The following FAM135B variants were observed in gnomAD, a reference collection of about 807,000 sequenced individuals.
The protein encoded by FAM135B is protein FAM135B.
FAM135B carries 43 observed loss-of-function variants against 127.7 expected under a neutral mutation model. The ratio of observed to expected loss-of-function variants is 0.34; its 90% CI spans 0.26 to 0.43. The LOEUF is 0.43. FAM135B is among the 20% of genes least tolerant of loss of function. The pLI, the probability that FAM135B is intolerant of heterozygous loss-of-function variation, is 1.00. For missense variants in FAM135B, 1,558 were observed against 1,725.6 expected (o/e 0.90, Z 1.72); for synonymous variants, 670 against 665.1 (o/e 1.01, Z -0.11).
intron 3 of FAM135B, among the ~76,000 whole-genome samples, chr8:138,289,038 G>A (rs1824904893): frequency 6.6e-6 from 1 of 152,170 alleles, no homozygotes; most frequent in Non-Finnish European, 1.5e-5. Flanking sequence ...TTGCTTTTCT[G>A]CTTTCTCCAC....
intron 1 of FAM135B, among the ~76,000 whole-genome samples, chr8:138,468,891 A>G (rs2131640725): frequency 6.6e-6 from 1 of 152,272 alleles, no homozygotes; most frequent in Admixed American, 6.5e-5. Context: ...CTAGAAATAT[A>G]AAAATTAGCC....
At chr8:138,149,628 G>A (rs1018966236) in intron 13 of FAM135B, among the ~76,000 whole-genome samples, 1 of 151,966 alleles carries the variant, frequency 6.6e-6, no homozygotes, top group Non-Finnish European at 1.5e-5. Flanking sequence ...ACTATTTCTT[G>A]TTATTATCTG....
chr8:138,473,876 T>G (rs1814229102), intron 1 of FAM135B, among the ~76,000 whole-genome samples: 1 of 152,140 alleles, frequency 6.6e-6, no homozygotes, highest in Non-Finnish European at 1.5e-5. Context: ...AATTTTATTG[T>G]TTTAATTCAG....
chr8:138,347,903 T>C (rs1233244332), intron 2 of FAM135B, among the ~76,000 whole-genome samples: 1 of 152,074 alleles, frequency 6.6e-6, no homozygotes, highest in Non-Finnish European at 1.5e-5. Flanking sequence ...ATAGTCCTGA[T>C]TTCATGAGGT....
chr8:138,211,864 TG>T (rs1241780987), intron 7 of FAM135B, among the ~76,000 whole-genome samples: 4 of 152,108 alleles, frequency 2.6e-5, no homozygotes, highest in Non-Finnish European at 2.9e-5. Context: ...GGTCAGGAGT[TG>T]AAGACCAGCC....
chr8:138,483,105 G>A (rs1814852049), intron 1 of FAM135B, among the ~76,000 whole-genome samples: 1 of 151,978 alleles, frequency 6.6e-6, no homozygotes, highest in Non-Finnish European at 1.5e-5. Flanking sequence ...AAATCTCACT[G>A]TCTCTAAGAA....
rs781516308 is a variant in FAM135B at position 138,242,979 on chromosome 8, A to G, written c.632T>C (p.Val211Ala). 4 of 1,613,916 alleles carry G rather than the reference A, an allele frequency of 2.5e-6. No homozygotes were observed. The highest frequency in any genetic ancestry group is 1.1e-5 in the South Asian group (1 of 91,010). ...CGGCTTGCAGTACCCAGCTCCAAAG[A>G]CCAAGTTTTCCAGAGAAATGATAGA... is the stretch of plus-strand genomic sequence containing the variant. Reference protein sequence around the residue: ...EQSIISLENLVFGAGYCKPTS... With the variant: ...EQSIISLENLAFGAGYCKPTS... The change falls in exon 7 of 20, where the codon GTC becomes GCC. Residue 211 changes from valine (V) to alanine (A), a missense_variant. This residue lies in a region of FAM135B where 127 missense variants were observed against 109.7 expected (regional missense o/e 1.16). Transcript: ENST00000395297. This position sits in a 1 kb window ranked among gnomAD's most constrained non-coding sequence, Gnocchi z 9.6.
intron 1 of FAM135B, among the ~76,000 whole-genome samples, chr8:138,426,532 T>C (rs1297353992): frequency 6.6e-6 from 1 of 150,988 alleles, no homozygotes; most frequent in Non-Finnish European, 1.5e-5. Flanking sequence ...TGTATACATA[T>C]ATATAATGTG....
chr8:138,143,606 G>A (rs1211328681), intron 15 of FAM135B, among the ~76,000 whole-genome samples: 2 of 152,212 alleles, frequency 1.3e-5, no homozygotes, highest in Non-Finnish European at 2.9e-5. Context: ...ATGGTTGAAG[G>A]ATCCAGGAGA....
intron 1 of FAM135B, among the ~76,000 whole-genome samples, chr8:138,428,677 AC>A (rs1478771772): frequency 6.6e-6 from 1 of 152,064 alleles, no homozygotes; most frequent in Non-Finnish European, 1.5e-5. Flanking sequence ...TCCCTCCACC[AC>A]AAAAGCTACC....
chr8:138,278,843 AG>A (rs1260755425), intron 3 of FAM135B, among the ~76,000 whole-genome samples: 2 of 152,202 alleles, frequency 1.3e-5, no homozygotes, highest in Admixed American at 6.5e-5. Flanking sequence ...ATCTAATCAC[AG>A]GGTTGTTGTG....
At chr8:138,134,966 G>A (rs1219528369) in intron 19 of FAM135B, among the ~76,000 whole-genome samples, 2 of 152,060 alleles carry the variant, frequency 1.3e-5, no homozygotes, top group South Asian at 2.1e-4. Context: ...AATTGTGCCC[G>A]GCCCATAATA....
At chr8:138,475,701 T>C (rs1322586855) in intron 1 of FAM135B, among the ~76,000 whole-genome samples, 2 of 152,236 alleles carry the variant, frequency 1.3e-5, no homozygotes, top group East Asian at 3.8e-4. Context: ...AGGTATTTTC[T>C]TACCTTGAAA....
At chr8:138,201,173 G>C (rs564656642) in intron 7 of FAM135B, among the ~76,000 whole-genome samples, 1 of 152,128 alleles carries the variant, frequency 6.6e-6, no homozygotes, top group African/African-American at 2.4e-5. Context: ...GACTTCAAGC[G>C]GTCCTTAGAA....
Position 138,243,850 on chromosome 8 carries a change from T to C in FAM135B, c.543-782A>G, listed in dbSNP as rs1316126507. On this transcript the variant is annotated intron_variant, in intron 6 of 19. Transcript: ENST00000395297. The surrounding 1 kb of genome is among the most constrained non-coding windows in gnomAD (Gnocchi z 7.5). Reference sequence around the variant, plus strand: ...CATATTCTTTTTTAGATCTCTTCTGTTTCATTTCTTTTCTAATGGATGTTT... The same window carrying C: ...CATATTCTTTTTTAGATCTCTTCTGCTTCATTTCTTTTCTAATGGATGTTT... 5.3e-5 allele frequency among the ~76,000 whole-genome samples: 8 copies of C among 152,202 alleles called. No individual in the cohort carries two copies. Among genetic ancestry groups the C allele is most frequent in the Admixed American group, 4.6e-4 (7 of 15,278 alleles).
chr8:138,428,881 T>C (rs1835046510), intron 1 of FAM135B, among the ~76,000 whole-genome samples: 1 of 152,222 alleles, frequency 6.6e-6, no homozygotes, highest in Non-Finnish European at 1.5e-5. Flanking sequence ...TGGGGAGTCT[T>C]ATCAGATCAT....
chr8:138,274,226 G>A (rs976409962), intron 3 of FAM135B, among the ~76,000 whole-genome samples: 9 of 152,074 alleles, frequency 5.9e-5, no homozygotes, highest in African/African-American at 1.4e-4. Context: ...CTTAAGCATC[G>A]GCCAGCTTGA....
chr8:138,255,531 T>C (rs866558643), intron 5 of FAM135B, among the ~76,000 whole-genome samples: 19 of 152,132 alleles, frequency 1.2e-4, no homozygotes, highest in African/African-American at 4.3e-4. Context: ...GCTGGACTGG[T>C]CTAAACAAGA....
intron 11 of FAM135B, among the ~76,000 whole-genome samples, chr8:138,170,100 T>C (rs774584333): frequency 2.6e-5 from 4 of 152,116 alleles, no homozygotes; most frequent in Non-Finnish European, 5.9e-5. Flanking sequence ...GCAGGCCTCA[T>C]GGGAGAAGCT....
Sources: gnomAD v4.1 joint callset for allele counts (sites outside exome capture counted in the v4.1 genomes callset) on GRCh38, gnomAD v4.1.1 for gene constraint, gnomAD v4.1.1 regional missense constraint, Gnocchi (gnomAD v3.1) non-coding constraint, MANE v1.5 for transcripts, NCBI Gene and HGNC (gene_info 2026-07-23, HGNC 2026-07-21) for gene names.